Variants in SLC24A2 observed in about 807,000 individuals in gnomAD.
The protein encoded by SLC24A2 is solute carrier family 24 member 2.
SLC24A2 carries 36 observed loss-of-function variants against 62.0 expected under a neutral mutation model. The ratio of observed to expected loss-of-function variants is 0.58; its 90% CI spans 0.44 to 0.77. The LOEUF is 0.77. SLC24A2 is among the 30% of genes least tolerant of loss of function. SLC24A2 has a pLI of 0.00. For synonymous variants in SLC24A2, 358 were observed against 294.0 expected, an observed-to-expected ratio of 1.22 and a Z score of -2.23; for missense variants, 846 against 817.9, an observed-to-expected ratio of 1.03 and a Z score of -0.42.
At chr9:19,884,595 C>A in the SLC24A2 span, among the ~76,000 whole-genome samples, 1 of 152,082 alleles carries the variant, frequency 6.6e-6, no homozygotes, top group Non-Finnish European at 1.5e-5. Flanking sequence ...AAAATATATT[C>A]TTATATATAA....
At chr9:19,728,958 C>T (rs908318975) in intron 2 of SLC24A2, among the ~76,000 whole-genome samples, 1 of 152,138 alleles carries the variant, frequency 6.6e-6, no homozygotes, top group South Asian at 2.1e-4. Flanking sequence ...AAAAGTGAAG[C>T]ACAGGAGCCT....
At chr9:20,284,901 A>C in the SLC24A2 span, among the ~76,000 whole-genome samples, 1 of 152,254 alleles carries the variant, frequency 6.6e-6, no homozygotes, top group Non-Finnish European at 1.5e-5. Context: ...AATGCCTTAC[A>C]GGGAATTTTA....
the SLC24A2 span, among the ~76,000 whole-genome samples, chr9:19,824,172 G>C: frequency 6.6e-6 from 1 of 152,108 alleles, no homozygotes; most frequent in African/African-American, 2.4e-5. Context: ...ATTGACAAAT[G>C]GTGATCTAAT....
At chr9:19,713,314 C>A (rs771233198) in intron 2 of SLC24A2, among the ~76,000 whole-genome samples, 3 of 152,018 alleles carry the variant, frequency 2.0e-5, no homozygotes, top group Non-Finnish European at 4.4e-5. Context: ...ATGTCACAAG[C>A]AGAAAAGCTG....
the SLC24A2 span, among the ~76,000 whole-genome samples, chr9:20,131,636 T>C: frequency 6.6e-6 from 1 of 152,264 alleles, no homozygotes; most frequent in Non-Finnish European, 1.5e-5. Context: ...TTCTTATTCC[T>C]GTGGGTTAAT....
At chr9:19,576,327 A>G (rs1240790041) in intron 6 of SLC24A2, among the ~76,000 whole-genome samples, 2 of 152,234 alleles carry the variant, frequency 1.3e-5, no homozygotes, top group African/African-American at 4.8e-5. Flanking sequence ...TTAAAATAAG[A>G]TGCCTGAATG....
the SLC24A2 span, among the ~76,000 whole-genome samples, chr9:20,282,420 G>A: frequency 6.6e-6 from 1 of 152,128 alleles, no homozygotes; most frequent in Admixed American, 6.5e-5. Flanking sequence ...TATGTGTCAA[G>A]TGCATTTTAC....
the SLC24A2 span, among the ~76,000 whole-genome samples, chr9:20,021,020 G>T: frequency 6.6e-6 from 1 of 152,056 alleles, no homozygotes; most frequent in Non-Finnish European, 1.5e-5. Flanking sequence ...ATGCTTTTGA[G>T]ATCACATACT....
At chr9:20,280,758 G>C in the SLC24A2 span, among the ~76,000 whole-genome samples, 53,746 of 151,946 alleles carry the variant, frequency 0.35, 10,042 homozygotes, top group African/African-American at 0.47. Flanking sequence ...CTCAAGATGA[G>C]ATCACCCTGG....
At chr9:19,935,748 C>T in the SLC24A2 span, among the ~76,000 whole-genome samples, 1 of 152,122 alleles carries the variant, frequency 6.6e-6, no homozygotes, top group Non-Finnish European at 1.5e-5. Flanking sequence ...TGATGTGTGT[C>T]CTAGTGTGAG....
chr9:20,258,792 CTATCTATCTATCTATCTATCT>C, the SLC24A2 span, among the ~76,000 whole-genome samples: 14 of 128,796 alleles, frequency 1.1e-4, no homozygotes, highest in Admixed American at 4.3e-4. Context: ...ATCTATCTAT[CTATCTATCTATCTATCTATCT>C]ACCTTATCTA....
chr9:19,967,492 T>C, the SLC24A2 span: 2 of 152,254 alleles, frequency 1.3e-5, no homozygotes, highest in African/African-American at 4.8e-5. Flanking sequence ...ATAAAGAGCA[T>C]CACAGAAGCT....
At chr9:19,726,480 C>G (rs1821174896) in intron 2 of SLC24A2, among the ~76,000 whole-genome samples, 1 of 152,088 alleles carries the variant, frequency 6.6e-6, no homozygotes, top group Non-Finnish European at 1.5e-5. Flanking sequence ...TTCCAAAGAG[C>G]AATCAGAAAG....
chr9:20,038,846 A>G, the SLC24A2 span, among the ~76,000 whole-genome samples: 1 of 152,224 alleles, frequency 6.6e-6, no homozygotes, highest in Non-Finnish European at 1.5e-5. Flanking sequence ...TCTGCTGCTA[A>G]GGAGGCAGGA....
the SLC24A2 span, among the ~76,000 whole-genome samples, chr9:20,199,738 T>G: frequency 1.3e-5 from 2 of 150,880 alleles, no homozygotes; most frequent in African/African-American, 4.9e-5. Context: ...TTTTTTTTTC[T>G]GACAGAATCT....
the SLC24A2 span, among the ~76,000 whole-genome samples, chr9:20,153,140 G>A: frequency 2.0e-5 from 3 of 151,960 alleles, no homozygotes; most frequent in Admixed American, 2.0e-4. Context: ...AAACAAAGCT[G>A]TTAACATTTT....
chr9:19,561,107 T>A (rs1835377538), intron 7 of SLC24A2, among the ~76,000 whole-genome samples: 1 of 151,274 alleles, frequency 6.6e-6, no homozygotes, highest in Non-Finnish European at 1.5e-5. Context: ...TTTTTGTATT[T>A]TTAGTAGAGG....
At chr9:19,549,230 C>CT (rs753321786) in intron 8 of SLC24A2, among the ~76,000 whole-genome samples, 5 of 152,228 alleles carry the variant, frequency 3.3e-5, no homozygotes, top group Non-Finnish European at 5.9e-5. Flanking sequence ...AACCTTCCTG[C>CT]TTCAGACCTT....
At chr9:19,803,861 A>G in the SLC24A2 span, among the ~76,000 whole-genome samples, 4 of 152,214 alleles carry the variant, frequency 2.6e-5, no homozygotes, top group Admixed American at 2.0e-4. Context: ...TGGGGTTTCT[A>G]TTAATAAAAT....
Sources: gnomAD v4.1 joint callset for allele counts (sites outside exome capture counted in the v4.1 genomes callset) on GRCh38, gnomAD v4.1.1 for gene constraint, MANE v1.5 for transcripts, NCBI Gene and HGNC (gene_info 2026-07-23, HGNC 2026-07-21) for gene names.